The following FAXDC2 variants were observed in gnomAD, a reference collection of about 807,000 sequenced individuals.
FAXDC2 encodes fatty acid hydroxylase domain containing 2.
In FAXDC2, 41 loss-of-function variants were observed where a neutral mutation model predicts 40.9. The ratio of observed to expected loss-of-function variants is 1.00; its 90% CI spans 0.78 to 1.30. FAXDC2 has a LOEUF of 1.30. Among genes scored for constraint, FAXDC2 ranks in the 50% most tolerant of loss-of-function variants. The pLI is 0.00. For missense variants in FAXDC2, 390 were observed against 408.8 expected (o/e 0.95, Z 0.40); for synonymous variants, 157 against 149.3 (o/e 1.05, Z -0.38).
chr5:154,846,900 A>T lies in FAXDC2; in HGVS notation c.-1+3583T>A, dbSNP rs563220796. ...GCCTCAGCCTCCCTAGTAGCAAATT[A>T]GATACTTTTTAGTGTGGTTCTGGTT... On this transcript the variant is annotated intron_variant, in intron 1 of 8. Transcript: ENST00000326080. 5.3e-5 allele frequency among the ~76,000 whole-genome samples: 8 copies of T among 151,388 alleles called. No homozygotes were observed. In the East Asian group the frequency reaches 9.7e-4, roughly 18 times the overall value.
chr5:154,819,808 T>C lies in FAXDC2; in HGVS notation c.*508A>G, dbSNP rs39614. 0.17 allele frequency: 25,549 copies of C among 154,558 alleles called. 2,784 individuals are homozygous for C. Among genetic ancestry groups the C allele is most frequent in the African/African-American group, 0.31 (12,892 of 41,488 alleles). The allele number at this position is 154,558 out of a possible 1,614,324, so 9.6% of individuals were successfully genotyped here. ...GTATGTCATGAATTGAGACCTATAA[T>C]GATTTGCCAGGGTGTCTTGGCTCTG... On this transcript the variant is annotated 3_prime_UTR_variant, in exon 9 of 9. Coordinates refer to ENST00000326080, the MANE Select transcript of FAXDC2 (RefSeq NM_032385.5).
At chr5:154,832,518 C>A (rs1760219668) in intron 4 of FAXDC2, among the ~76,000 whole-genome samples, 1 of 151,994 alleles carries the variant, frequency 6.6e-6, no homozygotes, top group Non-Finnish European at 1.5e-5. Flanking sequence ...ACTTTTATAC[C>A]CAGAAAAAAT....
intron 5 of FAXDC2, among the ~76,000 whole-genome samples, chr5:154,829,725 T>C (rs1315395502): frequency 6.6e-6 from 1 of 152,238 alleles, no homozygotes; most frequent in Non-Finnish European, 1.5e-5. Flanking sequence ...CACCTCTGTT[T>C]CCTCATCTGA....
intron 5 of FAXDC2, chr5:154,824,784 C>G (rs1582520942): frequency 1.9e-6 from 1 of 523,672 alleles, no homozygotes; most frequent in African/African-American, 1.9e-5. Flanking sequence ...CTAGACACAA[C>G]AAATATAAAA....
intron 1 of FAXDC2, among the ~76,000 whole-genome samples, chr5:154,849,594 A>G (rs947370652): frequency 6.6e-6 from 1 of 152,220 alleles, no homozygotes; most frequent in Admixed American, 6.5e-5. Context: ...AACATTTGCT[A>G]TGGAACATTT....
chr5:154,826,865 A>G (rs1561653421), intron 5 of FAXDC2, among the ~76,000 whole-genome samples: 1 of 152,166 alleles, frequency 6.6e-6, no homozygotes, highest in Non-Finnish European at 1.5e-5. Context: ...GTATAGATGC[A>G]TATATATTTA....
intron 4 of FAXDC2, among the ~76,000 whole-genome samples, chr5:154,833,458 G>A (rs1200738008): frequency 6.6e-6 from 1 of 150,402 alleles, no homozygotes; most frequent in Non-Finnish European, 1.5e-5. Flanking sequence ...CAATTCTCAT[G>A]CCTCAGCCTC....
At chr5:154,835,209 TGTCA>T (rs1235316714) in intron 2 of FAXDC2, 10 of 376,324 alleles carry the variant, frequency 2.7e-5, no homozygotes, top group South Asian at 9.7e-5. Flanking sequence ...CAGGCAATTC[TGTCA>T]GTCAGAGGAC....
At chr5:154,834,575 G>A (rs1264986005) in intron 4 of FAXDC2, 50 bp downstream of exon 4, 2 of 1,261,640 alleles carry the variant, frequency 1.6e-6, no homozygotes, top group South Asian at 2.4e-5. Context: ...AAAGAATTAA[G>A]TTATAATCAT....
intron 1 of FAXDC2, among the ~76,000 whole-genome samples, chr5:154,840,311 A>G (rs1167909802): frequency 6.9e-6 from 1 of 144,580 alleles, no homozygotes; most frequent in East Asian, 1.9e-4. Flanking sequence ...GCTTCAAGCA[A>G]TCCTCTTGCC....
At chr5:154,842,393 A>G (rs1760495609) in intron 1 of FAXDC2, among the ~76,000 whole-genome samples, 1 of 135,824 alleles carries the variant, frequency 7.4e-6, no homozygotes, top group African/African-American at 2.8e-5. Flanking sequence ...TTTAGTAGAG[A>G]TGGGGTTTCA....
At chr5:154,828,665 T>C (rs908147090) in intron 5 of FAXDC2, among the ~76,000 whole-genome samples, 3 of 149,604 alleles carry the variant, frequency 2.0e-5, no homozygotes, top group African/African-American at 7.4e-5. Flanking sequence ...AGCACAACCA[T>C]GGCTCGCTTC....
intron 2 of FAXDC2, among the ~76,000 whole-genome samples, chr5:154,837,795 C>A (rs1760387691): frequency 6.6e-6 from 1 of 152,138 alleles, no homozygotes; most frequent in Non-Finnish European, 1.5e-5. Flanking sequence ...CCTCTGTTGT[C>A]CCCAGGAAAG....
intron 5 of FAXDC2, among the ~76,000 whole-genome samples, chr5:154,825,668 A>AAAAAAAAAAG (rs70981954): frequency 2.8e-5 from 4 of 143,424 alleles, no homozygotes; most frequent in African/African-American, 1.0e-4. Flanking sequence ...AAAAAAAAAA[A>AAAAAAAAAAG]GCAGTAATAT....
intron 1 of FAXDC2, among the ~76,000 whole-genome samples, chr5:154,842,512 GTTTTTTTTTTTTT>G (rs772426610): frequency 3.9e-5 from 2 of 51,586 alleles, no homozygotes; most frequent in East Asian, 4.0e-4. Context: ...CCCTTTGTGT[GTTTTTTTTTTTTT>G]TTTTTTTTTT....
In FAXDC2 at chr5:154,820,110, T is replaced by C. The variant is rs1271916599; in HGVS notation, c.*206A>G. On this transcript the variant is annotated 3_prime_UTR_variant, in exon 9 of 9. Coordinates refer to ENST00000326080, the MANE Select transcript of FAXDC2 (RefSeq NM_032385.5). ...TTTTCCTTTTTCTTAAGCTAACTCC[T>C]GATCCCATTGAGGGACATCAAGGGC... 1.8e-6 allele frequency: 1 copy of C among 552,248 alleles called. No homozygotes were observed. Among genetic ancestry groups the C allele is most frequent in the African/African-American group, 1.9e-5 (1 of 52,034 alleles). 34.2% of individuals were successfully genotyped at this position (552,248 alleles called of 1,614,324 possible).
At chr5:154,835,674 G>A (rs1003468021) in intron 2 of FAXDC2, among the ~76,000 whole-genome samples, 8 of 151,720 alleles carry the variant, frequency 5.3e-5, no homozygotes, top group Admixed American at 1.3e-4. Context: ...TCCGCCTCCC[G>A]GGTTCATGCC....
intron 5 of FAXDC2, 94 bp downstream of exon 5, chr5:154,830,707 G>T: frequency 6.8e-7 from 1 of 1,464,820 alleles, no homozygotes; most frequent in Non-Finnish European, 9.5e-7. Flanking sequence ...GCTCACACTG[G>T]CCAGGTCTCT....
At chr5:154,828,457 G>A (rs1172907002) in intron 5 of FAXDC2, among the ~76,000 whole-genome samples, 2 of 152,206 alleles carry the variant, frequency 1.3e-5, no homozygotes, top group African/African-American at 4.8e-5. Flanking sequence ...ACATGGATAG[G>A]GGAGGAATCA....
Sources: gnomAD v4.1 joint callset for allele counts (sites outside exome capture counted in the v4.1 genomes callset) on GRCh38, gnomAD v4.1.1 for gene constraint, MANE v1.5 for transcripts, NCBI Gene and HGNC (gene_info 2026-07-23, HGNC 2026-07-21) for gene names.